The following NLGN1 variants were observed in gnomAD, a reference collection of about 807,000 sequenced individuals.
NLGN1 encodes neuroligin-1.
Under a neutral mutation model 65.5 loss-of-function variants are expected in NLGN1, and 12 were observed. That is an observed-to-expected ratio of 0.18 (90% CI 0.12 to 0.30). The LOEUF (loss-of-function observed/expected upper bound fraction) is 0.30, where lower values mean the gene tolerates loss of function less well. Ranked by LOEUF, NLGN1 falls within the 10% of genes least tolerant of loss-of-function variation. NLGN1 has a pLI of 1.00. For synonymous variants in NLGN1, 350 were observed against 359.5 expected, an observed-to-expected ratio of 0.97 and a Z score of 0.30; for missense variants, 750 against 1,007.1, an observed-to-expected ratio of 0.74 and a Z score of 3.46.
chr3:173,962,164 T>G (rs924104489), intron 4 of NLGN1, among the ~76,000 whole-genome samples: 1 of 152,080 alleles, frequency 6.6e-6, no homozygotes, highest in Non-Finnish European at 1.5e-5. Context: ...ATATATATAT[T>G]TTTAGTCTGC....
intron 3 of NLGN1, among the ~76,000 whole-genome samples, chr3:173,620,337 G>T (rs1241162482): frequency 1.3e-5 from 2 of 152,056 alleles, no homozygotes; most frequent in Admixed American, 6.5e-5. Flanking sequence ...TTATGGGGTG[G>T]CAAGACTGTG....
chr3:174,167,305 A>C (rs932203470), intron 4 of NLGN1, among the ~76,000 whole-genome samples: 1 of 151,782 alleles, frequency 6.6e-6, no homozygotes, highest in African/African-American at 2.4e-5. Flanking sequence ...TATGTATTTA[A>C]GTGTGTTTTG....
intron 4 of NLGN1, among the ~76,000 whole-genome samples, chr3:174,200,051 T>G (rs1368307016): frequency 6.6e-6 from 1 of 152,184 alleles, no homozygotes; most frequent in Non-Finnish European, 1.5e-5. Flanking sequence ...GCTCCTCGTG[T>G]GATCAGCAGT....
intron 4 of NLGN1, among the ~76,000 whole-genome samples, chr3:174,179,936 G>A (rs142655142): frequency 2.6e-5 from 4 of 152,150 alleles, no homozygotes; most frequent in African/African-American, 7.2e-5. Flanking sequence ...CTAGTTAATC[G>A]TTAATGGTGC....
chr3:174,094,310 T>C (rs1183385332), intron 4 of NLGN1, among the ~76,000 whole-genome samples: 1 of 152,198 alleles, frequency 6.6e-6, no homozygotes, highest in Non-Finnish European at 1.5e-5. Flanking sequence ...GTTTGAACAT[T>C]TATATTTTAA....
intron 4 of NLGN1, among the ~76,000 whole-genome samples, chr3:174,027,087 A>G (rs1728999309): frequency 6.6e-6 from 1 of 151,900 alleles, no homozygotes; most frequent in Non-Finnish European, 1.5e-5. Flanking sequence ...AAAGAAAAAG[A>G]AATATGAAAA....
Position 173,937,472 on chromosome 3 carries a change from A to G in NLGN1, c.646+129640A>G, listed in dbSNP as rs558202191. Among the ~76,000 whole-genome samples, 5 of 152,260 alleles carry G rather than the reference A, an allele frequency of 3.3e-5. No individual in the cohort carries two copies. The East Asian group carries it at 7.7e-4, about 23-fold the overall frequency. On this transcript the variant is annotated intron_variant, in intron 4 of 6. Coordinates refer to ENST00000457714, the Ensembl canonical transcript of NLGN1. The stretch of plus-strand genomic sequence containing the variant: ...CCAGGAAATGATGATACTTCAAAGA[A>G]TAGGTGTAACTTGATCAAATCTTTA...
At chr3:174,063,781 T>G (rs1045584663) in intron 4 of NLGN1, among the ~76,000 whole-genome samples, 1 of 152,182 alleles carries the variant, frequency 6.6e-6, no homozygotes, top group Non-Finnish European at 1.5e-5. Context: ...GACAAACATT[T>G]GTAGGCATGT....
intron 4 of NLGN1, among the ~76,000 whole-genome samples, chr3:174,029,054 A>G (rs1176467338): frequency 2.0e-5 from 3 of 152,180 alleles, no homozygotes; most frequent in African/African-American, 7.2e-5. Context: ...TGCTAAGGCA[A>G]AAGGAAAATG....
chr3:174,002,482 G>A (rs1340478016), intron 4 of NLGN1, among the ~76,000 whole-genome samples: 1 of 152,136 alleles, frequency 6.6e-6, no homozygotes, highest in African/African-American at 2.4e-5. Context: ...TTTACTTAAT[G>A]ACTTGTAATC....
chr3:173,524,470 T>C (rs1413116289), intron 2 of NLGN1, among the ~76,000 whole-genome samples: 1 of 152,158 alleles, frequency 6.6e-6, no homozygotes, highest in East Asian at 1.9e-4. Flanking sequence ...TGCGGACGAA[T>C]CTTAAGGGTT....
At chr3:173,830,051 T>C (rs952213825) in intron 4 of NLGN1, among the ~76,000 whole-genome samples, 4 of 151,788 alleles carry the variant, frequency 2.6e-5, no homozygotes, top group African/African-American at 9.7e-5. Context: ...TGTGTCCAAC[T>C]GATTTATCAA....
intron 4 of NLGN1, among the ~76,000 whole-genome samples, chr3:173,874,510 G>A (rs1482949641): frequency 6.6e-6 from 1 of 152,140 alleles, no homozygotes. Flanking sequence ...AATAATATTT[G>A]GGGCTATAAT....
At chr3:174,277,358 C>A (rs1008425209) in intron 5 of NLGN1, among the ~76,000 whole-genome samples, 1 of 151,858 alleles carries the variant, frequency 6.6e-6, no homozygotes, top group Non-Finnish European at 1.5e-5. Flanking sequence ...TATGATAAAA[C>A]AAACATACAT....
intron 3 of NLGN1, among the ~76,000 whole-genome samples, chr3:173,704,875 G>T (rs1767806305): frequency 6.6e-6 from 1 of 152,134 alleles, no homozygotes; most frequent in South Asian, 2.1e-4. Flanking sequence ...AAATTTAACA[G>T]TGTTTTATCC....
chr3:173,694,679 A>T (rs1383688631), intron 3 of NLGN1, among the ~76,000 whole-genome samples: 2 of 152,198 alleles, frequency 1.3e-5, no homozygotes, highest in Non-Finnish European at 2.9e-5. Flanking sequence ...TACCTGGTAG[A>T]TTCCAGCCTT....
intron 4 of NLGN1, among the ~76,000 whole-genome samples, chr3:173,998,703 A>G (rs374305240): frequency 6.6e-6 from 1 of 152,172 alleles, no homozygotes; most frequent in Non-Finnish European, 1.5e-5. Context: ...TCATAAGTCT[A>G]CTTGCACTGT....
chr3:174,086,238 T>A (rs1450762675), intron 4 of NLGN1, among the ~76,000 whole-genome samples: 3 of 151,610 alleles, frequency 2.0e-5, no homozygotes, highest in Non-Finnish European at 4.4e-5. Context: ...TGTGCACATA[T>A]ATATTTATGT....
At chr3:174,247,936 T>C (rs1201831520) in intron 4 of NLGN1, among the ~76,000 whole-genome samples, 1 of 152,226 alleles carries the variant, frequency 6.6e-6, no homozygotes, top group Non-Finnish European at 1.5e-5. Context: ...AAAAAGATAA[T>C]AATCCATAGG....
Sources: gnomAD v4.1 joint callset for allele counts (sites outside exome capture counted in the v4.1 genomes callset) on GRCh38, gnomAD v4.1.1 for gene constraint, MANE v1.5 for transcripts, NCBI Gene and HGNC (gene_info 2026-07-23, HGNC 2026-07-21) for gene names.